Variants in PIK3CD observed in about 807,000 individuals in gnomAD.
The protein encoded by PIK3CD is phosphatidylinositol 4,5-bisphosphate 3-kinase catalytic subunit delta isoform.
In PIK3CD, 20 loss-of-function variants were observed where a neutral mutation model predicts 122.9. The observed-to-expected ratio is 0.16, with a 90% CI of 0.11 to 0.24. The LOEUF (loss-of-function observed/expected upper bound fraction) is 0.24. PIK3CD is among the 10% of genes least tolerant of loss of function. The pLI, the probability that PIK3CD is intolerant of heterozygous loss-of-function variation, is 1.00. For synonymous variants in PIK3CD, 596 were observed against 593.4 expected (o/e 1.00, Z -0.06); for missense variants, 787 against 1,406.3 (o/e 0.56, Z 7.04).
chr1:9,688,692 G>A (rs2100401187), intron 1 of PIK3CD, among the ~76,000 whole-genome samples: 1 of 152,266 alleles, frequency 6.6e-6, no homozygotes, highest in South Asian at 2.1e-4. Context: ...GCTGAGTGAG[G>A]TGGTGCGCAC....
chr1:9,717,677 G>A lies in PIK3CD; in HGVS notation c.1020+51G>A. ...AGACACTGTTTTTTTGCACAAACAA[G>A]GTGGCTGTATCCTGGAGGGGTAGCA... On this transcript the variant is annotated intron_variant, in intron 8 of 23. Coordinates refer to ENST00000377346, the MANE Select transcript of PIK3CD (RefSeq NM_005026.5). The surrounding 1 kb of genome is among the most constrained non-coding windows in gnomAD (Gnocchi z 5.4). 1 of 1,537,876 alleles carries A rather than the reference G, an allele frequency of 6.5e-7. No homozygotes were observed. Among genetic ancestry groups the A allele is most frequent in the African/African-American group, 1.4e-5 (1 of 73,458 alleles).
At chr1:9,645,025 CTTTT>C in the PIK3CD span, among the ~76,000 whole-genome samples, 1 of 81,808 alleles carries the variant, frequency 1.2e-5, no homozygotes. Flanking sequence ...CTTTTCTTTT[CTTTT>C]TTTTTTTTTT....
At chr1:9,711,971 G>A (rs527485074) in intron 3 of PIK3CD, among the ~76,000 whole-genome samples, 47 of 149,774 alleles carry the variant, frequency 3.1e-4, no homozygotes, top group African/African-American at 9.8e-4. Flanking sequence ...ATCTCGGCTC[G>A]CTGCAAGCTC....
At chr1:9,711,980 T>G (rs902903834) in intron 3 of PIK3CD, among the ~76,000 whole-genome samples, 2 of 151,222 alleles carry the variant, frequency 1.3e-5, no homozygotes, top group African/African-American at 4.9e-5. Flanking sequence ...CGCTGCAAGC[T>G]CCACCTCCCA....
rs753764771 is a variant in PIK3CD, at chr1:9,683,055, TG to T, written c.-137-8406del. On this transcript the variant is annotated intron_variant, in intron 1 of 23. Coordinates refer to ENST00000377346, the MANE Select transcript of PIK3CD (RefSeq NM_005026.5). ...CCTGGACCTTTTTTTTTTTTTTTTT[TG>T]GGGGGCTGGGTCTCGCTAAGATGGC... 1.0e-3 allele frequency among the ~76,000 whole-genome samples: 141 copies of T among 138,400 alleles called. 5 individuals carry two copies. Among genetic ancestry groups the T allele is most frequent in the Admixed American group, 1.5e-3 (21 of 13,750 alleles). The allele number at this position is 138,400 out of a possible 152,430, so 90.8% of individuals were successfully genotyped here.
rs1425442271 is a variant in PIK3CD at position 9,689,692 on chromosome 1, A to G, written c.-137-1775A>G. ...CCCCTGGGCAACTGTCTCCAGGGAG[A>G]TCGGGCCCCGCCCCCGGCAGCGACA... On this transcript the variant is annotated intron_variant, in intron 1 of 23. Coordinates refer to ENST00000377346, the MANE Select transcript of PIK3CD (RefSeq NM_005026.5). This position sits in a 1 kb window ranked among gnomAD's most constrained non-coding sequence, Gnocchi z 6.1. Among the ~76,000 whole-genome samples, 2 of 148,930 alleles carry G rather than the reference A, an allele frequency of 1.3e-5. No homozygotes were observed. Among genetic ancestry groups the G allele is most frequent in the African/African-American group, 5.0e-5 (2 of 40,188 alleles).
At chr1:9,674,153 G>A (rs1008353882) in intron 1 of PIK3CD, among the ~76,000 whole-genome samples, 12 of 152,184 alleles carry the variant, frequency 7.9e-5, no homozygotes, top group South Asian at 4.1e-4. Flanking sequence ...AAATCCCTCC[G>A]GGACTAGGGG....
chr1:9,722,755 G>A lies in PIK3CD; in HGVS notation c.2426+149G>A. Reference sequence around the variant, plus strand: ...AGACCCGGAGGCGGTTTAACTCTAGGCCAGGAGGCGGCGGGCAGCAGGATG... The same window carrying A: ...AGACCCGGAGGCGGTTTAACTCTAGACCAGGAGGCGGCGGGCAGCAGGATG... On this transcript the variant is annotated intron_variant, in intron 19 of 23. Transcript: ENST00000377346. This position sits in a 1 kb window ranked among gnomAD's most constrained non-coding sequence, Gnocchi z 7.6. The A allele has an allele frequency of 1.4e-6, 1 of 736,782 alleles. No homozygotes were observed. Among genetic ancestry groups the A allele is most frequent in the Admixed American group, 2.0e-5 (1 of 48,986 alleles). 45.6% of individuals were successfully genotyped at this position (736,782 alleles called of 1,614,324 possible). A position where few individuals can be genotyped will look rare whatever the true frequency, so the allele number is the denominator to read the frequency against.
chr1:9,630,158 T>C, the PIK3CD span, among the ~76,000 whole-genome samples: 1 of 152,200 alleles, frequency 6.6e-6, no homozygotes, highest in Non-Finnish European at 1.5e-5. Flanking sequence ...GCCTCCGGGA[T>C]TGGACTGATC....
chr1:9,721,022 G>C (rs1648552600), intron 13 of PIK3CD, 105 bp from the exon 14 acceptor site: 7 of 1,423,728 alleles, frequency 4.9e-6, no homozygotes, highest in African/African-American at 1.4e-5. Flanking sequence ...CCTTCACCCT[G>C]ACCCTGGCCA....
the PIK3CD span, among the ~76,000 whole-genome samples, chr1:9,629,925 G>C: frequency 3.3e-5 from 5 of 152,232 alleles, no homozygotes; most frequent in African/African-American, 1.2e-4. Flanking sequence ...GGTGAGGGGG[G>C]AGTGGGGGCG....
At chr1:9,661,598 C>T (rs993661750) in intron 1 of PIK3CD, among the ~76,000 whole-genome samples, 1 of 152,094 alleles carries the variant, frequency 6.6e-6, no homozygotes, top group Non-Finnish European at 1.5e-5. Context: ...TGGTGGCTCA[C>T]ACCTGTAATC....
chr1:9,634,283 T>C, the PIK3CD span, among the ~76,000 whole-genome samples: 5 of 150,636 alleles, frequency 3.3e-5, no homozygotes, highest in Non-Finnish European at 7.4e-5. Flanking sequence ...TGCCTCAGCC[T>C]CCTGAGTAGC....
At chr1:9,636,065 GCAGA>G in the PIK3CD span, among the ~76,000 whole-genome samples, 14 of 152,194 alleles carry the variant, frequency 9.2e-5, no homozygotes, top group Admixed American at 6.6e-5. Flanking sequence ...CAAAATGTGA[GCAGA>G]CAGACAAAAA....
At chr1:9,697,209 T>C (rs1378505624) in intron 2 of PIK3CD, among the ~76,000 whole-genome samples, 2 of 149,544 alleles carry the variant, frequency 1.3e-5, no homozygotes, top group Non-Finnish European at 3.0e-5. Flanking sequence ...CTGTCTCTAT[T>C]TTCATAAAAG....
intron 2 of PIK3CD, among the ~76,000 whole-genome samples, chr1:9,697,825 G>A (rs1379850491): frequency 6.6e-6 from 1 of 151,792 alleles, no homozygotes; most frequent in East Asian, 1.9e-4. Flanking sequence ...GAAGTCAGGA[G>A]TTCAAGATCA....
chr1:9,653,810 T>G (rs1443291619), intron 1 of PIK3CD: 1 of 1,367,414 alleles, frequency 7.3e-7, no homozygotes, highest in Non-Finnish European at 9.8e-7. Context: ...CCAGCCATCT[T>G]GGCTGGTGAG....
the PIK3CD span, among the ~76,000 whole-genome samples, chr1:9,627,387 G>C: frequency 6.6e-6 from 1 of 152,278 alleles, no homozygotes; most frequent in Admixed American, 6.5e-5. Flanking sequence ...CGCGGAGATG[G>C]AAACCCGTGC....
Position 9,728,362 on chromosome 1 carries a change from C to CAGA in PIK3CD, c.*1319_*1321dup, listed in dbSNP as rs1204829929. On this transcript the variant is annotated 3_prime_UTR_variant, in exon 24 of 24. Transcript: ENST00000377346. ...AGGTTCTAGGGCTTCTCCCAGCCTT[C>CAGA]AGAAGCCAACTAACTCTGCAGATGG... 1 of 152,246 alleles carries CAGA rather than the reference C, an allele frequency of 6.6e-6. No homozygotes were observed. Among genetic ancestry groups the CAGA allele is most frequent in the Non-Finnish European group, 1.5e-5 (1 of 68,092 alleles). The allele number at this position is 152,246 out of a possible 1,614,324, so 9.4% of individuals were successfully genotyped here.
Sources: gnomAD v4.1 joint callset for allele counts (sites outside exome capture counted in the v4.1 genomes callset) on GRCh38, gnomAD v4.1.1 for gene constraint, Gnocchi (gnomAD v3.1) non-coding constraint, MANE v1.5 for transcripts, NCBI Gene and HGNC (gene_info 2026-07-23, HGNC 2026-07-21) for gene names.